The following NCAM1 variants were observed in gnomAD, a reference collection of about 807,000 sequenced individuals.
NCAM1 encodes antigen recognized by monoclonal antibody 5.1H11.
Under a neutral mutation model 109.8 loss-of-function variants are expected in NCAM1, and 14 were observed. That is an observed-to-expected ratio of 0.13 (90% CI 0.08 to 0.20). NCAM1 has a LOEUF of 0.20. NCAM1 is among the 10% of genes least tolerant of loss of function. The pLI is 1.00. For missense variants in NCAM1, 774 were observed against 1,109.9 expected, an observed-to-expected ratio of 0.70 and a Z score of 4.30; for synonymous variants, 418 against 442.9, an observed-to-expected ratio of 0.94 and a Z score of 0.70.
In NCAM1 at chr11:112,961,605, A is replaced by G; in HGVS notation, c.-8A>G. 4 of 1,471,380 alleles carry G rather than the reference A, an allele frequency of 2.7e-6. No homozygotes were observed. The highest frequency in any genetic ancestry group is 1.7e-4 in the Middle Eastern group (1 of 5,800). The allele number at this position is 1,471,380 out of a possible 1,614,324, so 91.1% of individuals were successfully genotyped here. A position where few individuals can be genotyped will look rare whatever the true frequency, so the allele number is the denominator to read the frequency against. On this transcript the variant is annotated 5_prime_UTR_variant, in exon 1 of 20. Transcript: ENST00000316851. The stretch of plus-strand genomic sequence containing the variant: ...GGCAAGAACATCCCTCCCAGCCAGC[A>G]GATTACAATGCTGCAAACTAAGGAT...
At chr11:113,176,518 C>A (rs1156663971) in intron 1 of NCAM1, among the ~76,000 whole-genome samples, 2 of 152,168 alleles carry the variant, frequency 1.3e-5, no homozygotes, top group African/African-American at 4.8e-5. Context: ...TGACTATCAT[C>A]CAATTTTTAG....
intron 1 of NCAM1, among the ~76,000 whole-genome samples, chr11:113,051,500 G>A (rs1315533263): frequency 1.3e-5 from 2 of 149,900 alleles, no homozygotes; most frequent in Admixed American, 1.3e-4. Context: ...AAACAAAATA[G>A]GAAAATAAAA....
At chr11:113,114,996 A>C (rs928745546) in intron 1 of NCAM1, among the ~76,000 whole-genome samples, 1 of 152,230 alleles carries the variant, frequency 6.6e-6, no homozygotes, top group African/African-American at 2.4e-5. Flanking sequence ...AGGAAATTCA[A>C]AAATTCAGAA....
intron 1 of NCAM1, among the ~76,000 whole-genome samples, chr11:112,984,049 C>G (rs749933086): frequency 2.0e-5 from 3 of 151,878 alleles, no homozygotes; most frequent in Admixed American, 1.3e-4. Context: ...CTACATCTTC[C>G]CATTAGCTCC....
At chr11:113,247,155 T>C (rs1292368359) in intron 15 of NCAM1, among the ~76,000 whole-genome samples, 1 of 152,210 alleles carries the variant, frequency 6.6e-6, no homozygotes, top group Non-Finnish European at 1.5e-5. Flanking sequence ...GTCACAACCT[T>C]GTTAAAACAT....
intron 17 of NCAM1, among the ~76,000 whole-genome samples, chr11:113,265,735 G>A (rs2137720436): frequency 6.6e-6 from 1 of 152,292 alleles, no homozygotes; most frequent in East Asian, 1.9e-4. Flanking sequence ...CAGAACCCCA[G>A]CTCAACAGTT....
chr11:112,978,218 A>G (rs1951057526), intron 1 of NCAM1, among the ~76,000 whole-genome samples: 1 of 150,358 alleles, frequency 6.7e-6, no homozygotes. Context: ...ATCTCAGGAG[A>G]GTTAAACATG....
intron 9 of NCAM1, among the ~76,000 whole-genome samples, chr11:113,229,780 G>A (rs1374440235): frequency 6.6e-6 from 1 of 152,224 alleles, no homozygotes; most frequent in East Asian, 1.9e-4. Context: ...TATGTCCTTT[G>A]TAGGGACATG....
At chr11:113,123,960 G>A (rs1249281769) in intron 1 of NCAM1, among the ~76,000 whole-genome samples, 5 of 152,142 alleles carry the variant, frequency 3.3e-5, no homozygotes, top group Admixed American at 6.5e-5. Context: ...TGCCTGCTCA[G>A]GGTGGTTGGG....
intron 1 of NCAM1, among the ~76,000 whole-genome samples, chr11:113,172,253 G>A (rs1943018018): frequency 6.6e-6 from 1 of 152,150 alleles, no homozygotes. Context: ...CTGGGTGGTG[G>A]TACTTCTTCC....
intron 7 of NCAM1, among the ~76,000 whole-genome samples, chr11:113,210,420 A>G (rs1555113487): frequency 6.6e-6 from 1 of 152,088 alleles, no homozygotes; most frequent in African/African-American, 2.4e-5. Flanking sequence ...TAATCTAACA[A>G]TGATGGTTGT....
At chr11:113,069,820 C>T (rs1258973968) in intron 1 of NCAM1, among the ~76,000 whole-genome samples, 4 of 152,124 alleles carry the variant, frequency 2.6e-5, no homozygotes, top group African/African-American at 7.2e-5. Flanking sequence ...TCGAGGATGA[C>T]TCAGGTTTCT....
chr11:113,116,058 G>A (rs1353153839), intron 1 of NCAM1, among the ~76,000 whole-genome samples: 5 of 152,122 alleles, frequency 3.3e-5, no homozygotes, highest in Admixed American at 6.6e-5. Flanking sequence ...CTAGGCTTAA[G>A]GTGACAAAGC....
intron 1 of NCAM1, among the ~76,000 whole-genome samples, chr11:113,112,660 C>A (rs1160193928): frequency 2.6e-5 from 4 of 152,172 alleles, no homozygotes; most frequent in Non-Finnish European, 5.9e-5. Context: ...CCACAGCAAA[C>A]ATTATGAGAG....
At chr11:113,167,726 T>C (rs1942851989) in intron 1 of NCAM1, among the ~76,000 whole-genome samples, 1 of 152,154 alleles carries the variant, frequency 6.6e-6, no homozygotes, top group Non-Finnish European at 1.5e-5. Flanking sequence ...TGCATTCTCA[T>C]CATGTGGTTC....
At chr11:112,986,122 G>T (rs1951296126) in intron 1 of NCAM1, among the ~76,000 whole-genome samples, 1 of 152,086 alleles carries the variant, frequency 6.6e-6, no homozygotes, top group African/African-American at 2.4e-5. Context: ...AATCACAAAA[G>T]AATGTTGAAT....
At chr11:113,104,492 T>A (rs1342101582) in intron 1 of NCAM1, among the ~76,000 whole-genome samples, 1 of 152,022 alleles carries the variant, frequency 6.6e-6, no homozygotes, top group Non-Finnish European at 1.5e-5. Context: ...TTGTATTCCT[T>A]AAAAAAACAC....
chr11:113,093,107 A>G (rs782789019), intron 1 of NCAM1, among the ~76,000 whole-genome samples: 22 of 152,160 alleles, frequency 1.4e-4, no homozygotes, highest in Non-Finnish European at 2.5e-4. Flanking sequence ...AGCATTAGAA[A>G]TTGCCTGCTC....
chr11:113,018,496 A>T (rs888774795), intron 1 of NCAM1, among the ~76,000 whole-genome samples: 1 of 152,150 alleles, frequency 6.6e-6, no homozygotes, highest in Non-Finnish European at 1.5e-5. Context: ...ATAGAGCAAC[A>T]TCTATTCTGC....
Sources: allele counts gnomAD v4.1 joint callset (sites outside exome capture counted in the v4.1 genomes callset), GRCh38; gene constraint gnomAD v4.1.1; transcripts MANE v1.5; gene names NCBI Gene and HGNC (gene_info 2026-07-23, HGNC 2026-07-21).